UNC13C: variants seen among roughly 807,000 people sequenced by gnomAD.
UNC13C encodes the protein unc-13 homolog C.
A neutral mutation model predicts 245.4 loss-of-function variants in UNC13C; 174 were observed. The ratio of observed to expected loss-of-function variants is 0.71; its 90% CI spans 0.63 to 0.80. The LOEUF is 0.80. Among genes scored for constraint, UNC13C ranks in the 30% least tolerant of loss-of-function variants. UNC13C has a pLI of 0.00. For synonymous variants in UNC13C, 992 were observed against 895.1 expected, an observed-to-expected ratio of 1.11 and a Z score of -1.93; for missense variants, 2,829 against 2,602.9, an observed-to-expected ratio of 1.09 and a Z score of -1.89.
Position 54,079,875 on chromosome 15 carries a change from C to T in UNC13C, c.2984-63143C>T, listed in dbSNP as rs149832621. On this transcript the variant is annotated intron_variant, in intron 2 of 32. Coordinates refer to ENST00000260323, the MANE Select transcript of UNC13C (RefSeq NM_001080534.3). Reference sequence around the variant, plus strand: ...AATAGAAATGGTTAGAGTAGACATCCTTGTCTCGTTCCAGGTTTTAGGAGG... The same window carrying T: ...AATAGAAATGGTTAGAGTAGACATCTTTGTCTCGTTCCAGGTTTTAGGAGG... 6.2e-4 allele frequency among the ~76,000 whole-genome samples: 94 copies of T among 152,136 alleles called. No homozygotes were observed. In the East Asian group the frequency reaches 0.014, roughly 22 times the overall value.
intron 10 of UNC13C, among the ~76,000 whole-genome samples, chr15:54,284,988 G>A (rs897594697): frequency 2.6e-5 from 4 of 152,042 alleles, no homozygotes; most frequent in Non-Finnish European, 5.9e-5. Context: ...GGTTCTAGAA[G>A]GTGGTTCAGG....
intron 2 of UNC13C, among the ~76,000 whole-genome samples, chr15:54,017,535 A>G (rs1289432582): frequency 6.6e-6 from 1 of 151,806 alleles, no homozygotes; most frequent in Non-Finnish European, 1.5e-5. Flanking sequence ...ATCTGTTGTG[A>G]CATAATAGAG....
At chr15:54,363,259 C>T (rs2039278411) in intron 17 of UNC13C, among the ~76,000 whole-genome samples, 1 of 152,178 alleles carries the variant, frequency 6.6e-6, no homozygotes, top group South Asian at 2.1e-4. Context: ...TAGACACATG[C>T]CAGCCCACCC....
At chr15:54,498,443 G>A (rs1894050832) in intron 20 of UNC13C, among the ~76,000 whole-genome samples, 1 of 151,904 alleles carries the variant, frequency 6.6e-6, no homozygotes, top group Admixed American at 6.6e-5. Context: ...AGTAAAAAAA[G>A]AAATCATGGT....
chr15:54,225,002 T>A (rs1440887622), intron 4 of UNC13C, among the ~76,000 whole-genome samples: 1 of 151,776 alleles, frequency 6.6e-6, no homozygotes, highest in Non-Finnish European at 1.5e-5. Context: ...ATTTCCCTTT[T>A]CACCTCTGGT....
intron 30 of UNC13C, among the ~76,000 whole-genome samples, chr15:54,604,582 T>C (rs1392244067): frequency 6.6e-6 from 1 of 152,198 alleles, no homozygotes; most frequent in Non-Finnish European, 1.5e-5. Context: ...AAATATTGAT[T>C]CCAGAAAATA....
In UNC13C at chr15:54,108,749, A is replaced by G. The variant is rs1357939473; in HGVS notation, c.2984-34269A>G. ...GCTTCATTCTTATTACTTTGTTTGG[A>G]AAATAGGGGAGATAAAAAGAGGTGG... is the stretch of plus-strand genomic sequence containing the variant. On this transcript the variant is annotated intron_variant, in intron 2 of 32. Transcript: ENST00000260323. Among the ~76,000 whole-genome samples, 6 of 152,140 alleles carry G rather than the reference A, an allele frequency of 3.9e-5. 1 individual carries two copies. In the South Asian group the frequency reaches 1.2e-3, roughly 32 times the overall value.
At position 53,978,750 on chromosome 15, in the gene UNC13C, C is replaced by T. The variant is rs1017575796; in HGVS notation, c.-434C>T. 6.6e-6 allele frequency among the ~76,000 whole-genome samples: 1 copy of T among 152,118 alleles called. No individual in the cohort carries two copies. The highest frequency in any genetic ancestry group is 2.4e-5 in the African/African-American group (1 of 41,414). On this transcript the variant is annotated 5_prime_UTR_variant, in exon 1 of 33. Coordinates refer to ENST00000260323, the MANE Select transcript of UNC13C (RefSeq NM_001080534.3). ...CCAAGGCATGCCTGATTGCACGAGT[C>T]GGATCCCTGGGACGCAGCTTCCACT...
chr15:54,472,305 C>T lies in UNC13C; in HGVS notation c.4934-22303C>T, dbSNP rs114469628. Among the ~76,000 whole-genome samples the T allele has an allele frequency of 5.4e-3, 826 of 151,842 alleles. 7 individuals carry two copies. The highest frequency in any genetic ancestry group is 0.019 in the African/African-American group (797 of 41,496). ...TTTACATCTTTTAATAATATGCATCCATTAACCCATTATTTAAATTTTAGT... is the reference window on the plus strand; with the variant it reads ...TTTACATCTTTTAATAATATGCATCTATTAACCCATTATTTAAATTTTAGT... On this transcript the variant is annotated intron_variant, in intron 19 of 32. Transcript: ENST00000260323.
At chr15:54,181,032 A>G (rs992216618) in intron 4 of UNC13C, among the ~76,000 whole-genome samples, 1 of 151,728 alleles carries the variant, frequency 6.6e-6, no homozygotes, top group African/African-American at 2.4e-5. Flanking sequence ...TTATGTTGTA[A>G]AATTGCTTTT....
chr15:53,840,788 G>T, the UNC13C span, among the ~76,000 whole-genome samples: 1 of 152,126 alleles, frequency 6.6e-6, no homozygotes, highest in Non-Finnish European at 1.5e-5. Context: ...AGGATTCCAT[G>T]ATTACTCATA....
intron 19 of UNC13C, among the ~76,000 whole-genome samples, chr15:54,424,576 CT>C (rs1039835574): frequency 1.3e-5 from 2 of 151,884 alleles, no homozygotes; most frequent in African/African-American, 4.8e-5. Context: ...TAGATCAAAC[CT>C]TTTCAAGCAT....
intron 19 of UNC13C, among the ~76,000 whole-genome samples, chr15:54,487,766 C>CAAAAAAAA (rs5812760): frequency 4.8e-5 from 3 of 62,764 alleles, no homozygotes; most frequent in Non-Finnish European, 6.1e-5. Flanking sequence ...GATTCCATCT[C>CAAAAAAAA]AAAAAAAAAA....
rs1891565598 is a variant in UNC13C, at chr15:54,456,977, T to C, written c.4934-37631T>C. ...GTTCCAGTTCTCAGATGGAATGCTT[T>C]CAACTTTTCCATGTTCAGTATAATG... On this transcript the variant is annotated intron_variant, in intron 19 of 32. Coordinates refer to ENST00000260323, the MANE Select transcript of UNC13C (RefSeq NM_001080534.3). Among the ~76,000 whole-genome samples the C allele has an allele frequency of 2.0e-5, 3 of 152,228 alleles. No homozygotes were observed. In the South Asian group the frequency reaches 6.2e-4, roughly 32 times the overall value.
At chr15:53,975,580 G>A (rs1893670561), upstream of UNC13C, among the ~76,000 whole-genome samples, 2 of 152,150 alleles carry the variant, frequency 1.3e-5, no homozygotes, top group South Asian at 4.1e-4. Flanking sequence ...TTCCTCTATT[G>A]CTTAAAGCCA....
intron 19 of UNC13C, among the ~76,000 whole-genome samples, chr15:54,462,992 A>G (rs953068136): frequency 6.6e-6 from 1 of 152,024 alleles, no homozygotes. Flanking sequence ...CTCTGTGTCT[A>G]GCTTGGGGGT....
chr15:54,116,375 T>C (rs2030246667), intron 2 of UNC13C, among the ~76,000 whole-genome samples: 1 of 152,132 alleles, frequency 6.6e-6, no homozygotes, highest in South Asian at 2.1e-4. Flanking sequence ...TCTTATTTTT[T>C]GTCTATCTAA....
intron 18 of UNC13C, among the ~76,000 whole-genome samples, chr15:54,408,687 T>G (rs1320006513): frequency 6.6e-6 from 1 of 152,196 alleles, no homozygotes; most frequent in Non-Finnish European, 1.5e-5. Flanking sequence ...AAAGCGTGAC[T>G]CCCCAACCTA....
At chr15:54,464,144 T>C (rs893401078) in intron 19 of UNC13C, among the ~76,000 whole-genome samples, 2 of 152,224 alleles carry the variant, frequency 1.3e-5, no homozygotes, top group Non-Finnish European at 2.9e-5. Flanking sequence ...CAACACTAGG[T>C]ATTATCAATA....
Sources: allele counts gnomAD v4.1 joint callset (sites outside exome capture counted in the v4.1 genomes callset), GRCh38; gene constraint gnomAD v4.1.1; transcripts MANE v1.5; gene names NCBI Gene and HGNC (gene_info 2026-07-23, HGNC 2026-07-21).